The following ATP13A4 variants were observed in gnomAD, a reference collection of about 807,000 sequenced individuals.
ATP13A4 encodes the protein ATPase 13A4.
ATP13A4 carries 114 observed loss-of-function variants against 142.5 expected under a neutral mutation model. The observed-to-expected ratio is 0.80, with a 90% CI of 0.69 to 0.93. The LOEUF is 0.93. ATP13A4 is among the 40% of genes least tolerant of loss of function. The pLI is 0.00. For synonymous variants in ATP13A4, 488 were observed against 514.8 expected (o/e 0.95, Z 0.70); for missense variants, 1,392 against 1,454.0 (o/e 0.96, Z 0.69).
chr3:193,452,925 C>T (rs896632829), intron 17 of ATP13A4, among the ~76,000 whole-genome samples: 5 of 151,864 alleles, frequency 3.3e-5, no homozygotes, highest in African/African-American at 1.2e-4. Flanking sequence ...ACTACCTGTA[C>T]TATATAAATT....
chr3:193,575,757 C>T (rs970444129), intron 2 of ATP13A4, among the ~76,000 whole-genome samples: 5 of 152,054 alleles, frequency 3.3e-5, no homozygotes, highest in Non-Finnish European at 5.9e-5. Context: ...ACTTTTGTGA[C>T]ATTTTTGTTT....
At chr3:193,440,847 A>G (rs1203175235) in intron 20 of ATP13A4, among the ~76,000 whole-genome samples, 1 of 152,184 alleles carries the variant, frequency 6.6e-6, no homozygotes, top group Non-Finnish European at 1.5e-5. Flanking sequence ...CAGTAAAGAT[A>G]ATTACTTAAC....
intron 28 of ATP13A4, among the ~76,000 whole-genome samples, chr3:193,407,606 G>C (rs1714570305): frequency 6.6e-6 from 1 of 152,004 alleles, no homozygotes; most frequent in Non-Finnish European, 1.5e-5. Context: ...TAATGATTTG[G>C]GGGGGTTATG....
rs1424797819 is a variant in ATP13A4, at chr3:193,417,841, G to A, written c.2843-3091C>T. ...TCTACTAAAAATACAAAAAATTAGCGGCCGGGCGCGGTGGCTCACGCCTGT... is the reference window on the plus strand; with the variant it reads ...TCTACTAAAAATACAAAAAATTAGCAGCCGGGCGCGGTGGCTCACGCCTGT... On this transcript the variant is annotated intron_variant, in intron 25 of 29. Coordinates refer to ENST00000342695, the MANE Select transcript of ATP13A4 (RefSeq NM_032279.4). 4.1e-5 allele frequency among the ~76,000 whole-genome samples: 6 copies of A among 146,000 alleles called. No homozygotes were observed. In the East Asian group the frequency reaches 6.5e-4, roughly 16 times the overall value.
intron 2 of ATP13A4, among the ~76,000 whole-genome samples, chr3:193,568,103 G>A (rs894381920): frequency 1.3e-5 from 2 of 152,070 alleles, no homozygotes; most frequent in African/African-American, 4.8e-5. Context: ...GGGATTACAG[G>A]CACATGCCAC....
At position 193,502,606 on chromosome 3, in the gene ATP13A4, T is replaced by C; in HGVS notation, c.268A>G (p.Ile90Val). The C allele has an allele frequency of 6.2e-7, 1 of 1,614,018 alleles. No homozygotes were observed. Among genetic ancestry groups the C allele is most frequent in the Non-Finnish European group, 8.5e-7 (1 of 1,179,912 alleles). Residue 90 changes from isoleucine to valine, a missense_variant, in exon 3 of 30, where the codon ATA becomes GTA. Ile to Val is a conservative substitution (Grantham distance 29, BLOSUM62 3). Coordinates refer to ENST00000342695, the MANE Select transcript of ATP13A4 (RefSeq NM_032279.4). The part of the protein sequence containing the change: ...EFQIYSWKKV[I>V]WIYLSALNSA... ...TTTAATGCTGACAGGTAGATCCATA[T>C]TACCTTTTTCCAAGAGTAAATTTGG... is the stretch of plus-strand genomic sequence containing the variant.
rs60854168 is a variant in ATP13A4 at position 193,431,848 on chromosome 3, T to C, written c.2842+1997A>G. Among the ~76,000 whole-genome samples, 36 of 151,982 alleles carry C rather than the reference T, an allele frequency of 2.4e-4. No homozygotes were observed. The East Asian group carries it at 5.4e-3, about 23-fold the overall frequency. On this transcript the variant is annotated intron_variant, in intron 25 of 29. Coordinates refer to ENST00000342695, the MANE Select transcript of ATP13A4 (RefSeq NM_032279.4). ...GTTTTGGGGAGCAACATGTTAAACA[T>C]TTGCAAGTATACCACTGCCTCCTAC...
chr3:193,527,646 C>A (rs1722087376), intron 1 of ATP13A4, among the ~76,000 whole-genome samples: 1 of 151,906 alleles, frequency 6.6e-6, no homozygotes, highest in Non-Finnish European at 1.5e-5. Flanking sequence ...TTCCCCCCTC[C>A]CCTGCCTTCC....
chr3:193,436,373 A>G (rs1716267536), intron 23 of ATP13A4, among the ~76,000 whole-genome samples: 1 of 152,210 alleles, frequency 6.6e-6, no homozygotes, highest in Non-Finnish European at 1.5e-5. Context: ...CATGAAATAG[A>G]TGACACATGA....
chr3:193,549,795 G>A (rs954463402), intron 1 of ATP13A4, among the ~76,000 whole-genome samples: 6 of 152,036 alleles, frequency 3.9e-5, no homozygotes, highest in African/African-American at 1.2e-4. Flanking sequence ...TCACACCATT[G>A]CACTCCAACC....
chr3:193,478,752 T>G (rs928038210), intron 8 of ATP13A4, among the ~76,000 whole-genome samples: 1 of 152,064 alleles, frequency 6.6e-6, no homozygotes, highest in Admixed American at 6.6e-5. Flanking sequence ...GAGGAAATCC[T>G]CCCTAAATCA....
At chr3:193,551,568 G>A (rs1427925724) in intron 1 of ATP13A4, among the ~76,000 whole-genome samples, 1 of 152,226 alleles carries the variant, frequency 6.6e-6, no homozygotes, top group Non-Finnish European at 1.5e-5. Flanking sequence ...CACCTCGCCA[G>A]AACTGTTTAC....
intron 25 of ATP13A4, among the ~76,000 whole-genome samples, chr3:193,428,404 C>G (rs1715786777): frequency 1.3e-5 from 2 of 152,220 alleles, no homozygotes; most frequent in Admixed American, 1.3e-4. Context: ...GGATCCAGAA[C>G]TAGAAATACC....
intron 3 of ATP13A4, among the ~76,000 whole-genome samples, chr3:193,498,858 A>G (rs556280081): frequency 2.0e-5 from 3 of 152,340 alleles, no homozygotes; most frequent in Admixed American, 6.5e-5. Context: ...GTGCAAGAAT[A>G]TTATAGTCAT....
chr3:193,421,252 G>A (rs1166592369), intron 25 of ATP13A4, among the ~76,000 whole-genome samples: 1 of 149,738 alleles, frequency 6.7e-6, no homozygotes, highest in Non-Finnish European at 1.5e-5. Context: ...ACGGGAGAGA[G>A]TGAGATGATA....
At chr3:193,496,791 A>G (rs928859613) in intron 3 of ATP13A4, among the ~76,000 whole-genome samples, 1 of 137,618 alleles carries the variant, frequency 7.3e-6, no homozygotes, top group Non-Finnish European at 1.5e-5. Context: ...ACTCTGTCTC[A>G]AAATACATAA....
chr3:193,517,582 G>A (rs898677572), intron 1 of ATP13A4, among the ~76,000 whole-genome samples: 7 of 152,148 alleles, frequency 4.6e-5, no homozygotes, highest in Non-Finnish European at 8.8e-5. Context: ...CCGGGTTCAC[G>A]CCATTCTCCT....
intron 8 of ATP13A4, among the ~76,000 whole-genome samples, chr3:193,474,578 A>G (rs901065897): frequency 1.3e-5 from 2 of 149,796 alleles, no homozygotes; most frequent in African/African-American, 4.9e-5. Context: ...AGAAAGAAGG[A>G]AAGAAAGAAG....
intron 1 of ATP13A4, among the ~76,000 whole-genome samples, 166 bp from the exon 2 acceptor site, chr3:193,515,037 G>A (rs1051135417): frequency 6.6e-6 from 1 of 152,150 alleles, no homozygotes; most frequent in East Asian, 1.9e-4. Context: ...TCTTGACAAA[G>A]AAGTGTAAGA....
Sources: gnomAD v4.1 joint callset for allele counts (sites outside exome capture counted in the v4.1 genomes callset) on GRCh38, gnomAD v4.1.1 for gene constraint, MANE v1.5 for transcripts, NCBI Gene and HGNC (gene_info 2026-07-23, HGNC 2026-07-21) for gene names.